Variants in TMEM135 observed in about 807,000 individuals in gnomAD.
The protein encoded by TMEM135 is transmembrane protein 135, also known as peroxisomal membrane protein 52.
A neutral mutation model predicts 60.3 loss-of-function variants in TMEM135; 30 were observed. The ratio of observed to expected loss-of-function variants is 0.50; its 90% confidence interval spans 0.37 to 0.68. TMEM135 has a LOEUF of 0.68. Among genes scored for constraint, TMEM135 ranks in the 30% least tolerant of loss-of-function variants. The pLI is 0.00. For synonymous variants in TMEM135, 190 were observed against 186.7 expected (o/e 1.02, Z -0.14); for missense variants, 468 against 548.8 (o/e 0.85, Z 1.47).
chr11:87,291,913 G>C (rs773014224), intron 6 of TMEM135, among the ~76,000 whole-genome samples: 5 of 152,048 alleles, frequency 3.3e-5, no homozygotes, highest in Non-Finnish European at 7.4e-5. Flanking sequence ...AAGTTCTTAC[G>C]TTGCCTAAAG....
chr11:87,167,533 A>C (rs528297662), intron 5 of TMEM135, among the ~76,000 whole-genome samples: 28 of 152,184 alleles, frequency 1.8e-4, no homozygotes, highest in Non-Finnish European at 3.2e-4. Flanking sequence ...GTTGAGTTTT[A>C]TCAAAGGCCT....
At chr11:87,268,239 C>A (rs1205246721) in intron 6 of TMEM135, among the ~76,000 whole-genome samples, 6 of 138,560 alleles carry the variant, frequency 4.3e-5, no homozygotes, top group Admixed American at 3.8e-4. Context: ...CAGGCAGGCA[C>A]CCTCACCACA....
intron 1 of TMEM135, among the ~76,000 whole-genome samples, chr11:87,063,940 T>C (rs1257682841): frequency 6.6e-6 from 1 of 152,224 alleles, no homozygotes; most frequent in African/African-American, 2.4e-5. Context: ...TAAGCACTTA[T>C]TTCTTTTGAG....
intron 6 of TMEM135, among the ~76,000 whole-genome samples, chr11:87,266,542 C>A (rs1941751066): frequency 6.6e-6 from 1 of 152,150 alleles, no homozygotes; most frequent in South Asian, 2.1e-4. Context: ...TGGTTCTAGT[C>A]TCCCTTATTG....
intron 5 of TMEM135, among the ~76,000 whole-genome samples, chr11:87,226,923 C>A (rs1312442550): frequency 6.6e-6 from 1 of 152,108 alleles, no homozygotes; most frequent in Admixed American, 6.5e-5. Context: ...GTGGCAAATG[C>A]CTATAATCCC....
At chr11:87,213,406 G>C (rs1209813736) in intron 5 of TMEM135, among the ~76,000 whole-genome samples, 1 of 152,086 alleles carries the variant, frequency 6.6e-6, no homozygotes, top group East Asian at 1.9e-4. Context: ...AAATGACCGA[G>C]GGTACCTAGA....
At chr11:87,126,670 TA>T (rs35591739) in intron 4 of TMEM135, among the ~76,000 whole-genome samples, 49,438 of 151,602 alleles carry the variant, frequency 0.33, 8,506 homozygotes, top group East Asian at 0.55. Flanking sequence ...GTGATGGTTT[TA>T]AAAAAACATG....
intron 5 of TMEM135, among the ~76,000 whole-genome samples, chr11:87,231,650 C>T (rs1195270931): frequency 6.6e-6 from 1 of 151,810 alleles, no homozygotes; most frequent in Admixed American, 6.6e-5. Context: ...AAAATTTGAG[C>T]CATAATGAAG....
intron 4 of TMEM135, among the ~76,000 whole-genome samples, chr11:87,115,510 A>G (rs1253806478): frequency 1.3e-5 from 2 of 152,082 alleles, no homozygotes; most frequent in Non-Finnish European, 2.9e-5. Context: ...TTTGCCTTTG[A>G]CTTCTGCAAC....
At chr11:87,043,375 T>C (rs2135104957) in intron 1 of TMEM135, among the ~76,000 whole-genome samples, 1 of 152,232 alleles carries the variant, frequency 6.6e-6, no homozygotes, top group Non-Finnish European at 1.5e-5. Flanking sequence ...ATGTTAGTTA[T>C]TGCTACATAT....
At chr11:87,316,981 G>A (rs1942743990) in intron 12 of TMEM135, among the ~76,000 whole-genome samples, 1 of 151,528 alleles carries the variant, frequency 6.6e-6, no homozygotes, top group Non-Finnish European at 1.5e-5. Context: ...TGTGATTGAA[G>A]TTAATTTTAT....
chr11:87,161,671 G>A (rs1938884996), intron 5 of TMEM135, among the ~76,000 whole-genome samples: 1 of 152,152 alleles, frequency 6.6e-6, no homozygotes, highest in Non-Finnish European at 1.5e-5. Flanking sequence ...CTGAGAACAT[G>A]TAATGAACAA....
chr11:87,185,491 A>G (rs1240720406), intron 5 of TMEM135, among the ~76,000 whole-genome samples: 3 of 148,740 alleles, frequency 2.0e-5, no homozygotes, highest in African/African-American at 7.4e-5. Context: ...TAGAGGCTTG[A>G]TTAAATTCAT....
intron 6 of TMEM135, among the ~76,000 whole-genome samples, chr11:87,238,203 A>G (rs760361023): frequency 4.6e-5 from 7 of 151,948 alleles, no homozygotes; most frequent in Non-Finnish European, 1.0e-4. Flanking sequence ...GCTGGATCAC[A>G]TAATAGAGAT....
At chr11:87,308,456 A>G (rs17149921) in intron 9 of TMEM135, among the ~76,000 whole-genome samples, 1,658 of 152,300 alleles carry the variant, frequency 0.011, 35 homozygotes, top group African/African-American at 0.038. Flanking sequence ...TTAATAAGGC[A>G]TTAGGTAGTT....
chr11:87,077,409 G>A (rs1322282408), intron 3 of TMEM135, among the ~76,000 whole-genome samples: 1 of 152,206 alleles, frequency 6.6e-6, no homozygotes, highest in Non-Finnish European at 1.5e-5. Flanking sequence ...GGACATTTAT[G>A]TTATTTTCAG....
intron 6 of TMEM135, among the ~76,000 whole-genome samples, chr11:87,251,136 A>C (rs891732389): frequency 6.6e-6 from 1 of 152,182 alleles, no homozygotes; most frequent in Non-Finnish European, 1.5e-5. Context: ...CTAGAGAAAT[A>C]ATGGGTAACA....
At chr11:87,075,032 C>T (rs1184565767) in intron 3 of TMEM135, among the ~76,000 whole-genome samples, 1 of 152,114 alleles carries the variant, frequency 6.6e-6, no homozygotes, top group Non-Finnish European at 1.5e-5. Context: ...CTCAATCTCC[C>T]GGGCCTAAGA....
At chr11:87,316,508 T>A (rs986577101) in intron 12 of TMEM135, among the ~76,000 whole-genome samples, 1 of 151,980 alleles carries the variant, frequency 6.6e-6, no homozygotes, top group African/African-American at 2.4e-5. Flanking sequence ...GGCCACTATT[T>A]TAGAGGGAGG....
Sources: allele counts gnomAD v4.1 joint callset (sites outside exome capture counted in the v4.1 genomes callset), GRCh38; gene constraint gnomAD v4.1.1; transcripts MANE v1.5; gene names NCBI Gene and HGNC (gene_info 2026-07-23, HGNC 2026-07-21).